Variants in VSNL1 observed in about 807,000 individuals in gnomAD.
The protein encoded by VSNL1 is visinin-like protein 1.
In VSNL1, 6 loss-of-function variants were observed where a neutral mutation model predicts 20.4. The observed-to-expected ratio is 0.29, with a 90% confidence interval of 0.16 to 0.58. The LOEUF is 0.58. VSNL1 is among the 20% of genes least tolerant of loss of function. The probability of loss-of-function intolerance (pLI) is 0.90; values close to 1 mark genes in which losing one functional copy is unlikely to be tolerated. For missense variants in VSNL1, 100 were observed against 234.5 expected (o/e 0.43, Z 3.75); for synonymous variants, 93 against 86.4 (o/e 1.08, Z -0.42).
rs144662888 is a variant in VSNL1 at position 17,563,679 on chromosome 2, G to A, written c.-6+22761G>A. 4.1e-3 allele frequency among the ~76,000 whole-genome samples: 616 copies of A among 152,060 alleles called. 6 individuals carry two copies. Among genetic ancestry groups the A allele is most frequent in the African/African-American group, 0.014 (577 of 41,488 alleles). ...CAGGAGGCGGAGGTTGCAGTGAGCC[G>A]AGATCGCACCACTGCACTCCAGCCT... On this transcript the variant is annotated intron_variant, in intron 1 of 3. Transcript: ENST00000295156.
At chr2:17,613,191 G>T (rs1461908301) in intron 2 of VSNL1, among the ~76,000 whole-genome samples, 1 of 152,118 alleles carries the variant, frequency 6.6e-6, no homozygotes, top group Non-Finnish European at 1.5e-5. Context: ...GCCAATTTCA[G>T]TGGAACAAGA....
intron 1 of VSNL1, among the ~76,000 whole-genome samples, chr2:17,551,411 C>T (rs1281290630): frequency 6.6e-6 from 1 of 152,066 alleles, no homozygotes; most frequent in Non-Finnish European, 1.5e-5. Flanking sequence ...TTTCTGGTAC[C>T]TACAAGTGAC....
At chr2:17,558,946 C>T (rs1663748784) in intron 1 of VSNL1, among the ~76,000 whole-genome samples, 1 of 152,090 alleles carries the variant, frequency 6.6e-6, no homozygotes. Flanking sequence ...ATTTCTCACT[C>T]ATATAAAGAA....
Position 17,547,408 on chromosome 2 carries a change from G to A in VSNL1, c.-6+6490G>A, listed in dbSNP as rs190309362. Among the ~76,000 whole-genome samples, 39 of 152,090 alleles carry A rather than the reference G, an allele frequency of 2.6e-4. No homozygotes were observed. In the East Asian group the frequency reaches 6.0e-3, roughly 23 times the overall value. On this transcript the variant is annotated intron_variant, in intron 1 of 3. Coordinates refer to ENST00000295156, the MANE Select transcript of VSNL1 (RefSeq NM_003385.5). ...TGGTCACTGAGTTGAAGCAATCTCC[G>A]TTCATTGCACAACTTCTAAATAAGG...
intron 2 of VSNL1, among the ~76,000 whole-genome samples, chr2:17,612,931 C>T (rs925551028): frequency 8.5e-5 from 13 of 152,184 alleles, no homozygotes; most frequent in African/African-American, 3.1e-4. Flanking sequence ...AGATACCCAA[C>T]CTTGGGTGAA....
chr2:17,639,072 A>G (rs1665823625), intron 2 of VSNL1, among the ~76,000 whole-genome samples: 1 of 152,148 alleles, frequency 6.6e-6, no homozygotes, highest in African/African-American at 2.4e-5. Flanking sequence ...GCAGGGATCT[A>G]GTCTTTCTAT....
At chr2:17,626,432 C>T (rs543886176) in intron 2 of VSNL1, among the ~76,000 whole-genome samples, 1 of 152,310 alleles carries the variant, frequency 6.6e-6, no homozygotes, top group South Asian at 2.1e-4. Context: ...GTGCCCAGAG[C>T]CTCGGTGCAC....
intron 2 of VSNL1, among the ~76,000 whole-genome samples, chr2:17,612,196 G>A (rs1425892829): frequency 6.6e-6 from 1 of 152,146 alleles, no homozygotes; most frequent in Non-Finnish European, 1.5e-5. Context: ...TCTCTTTGCC[G>A]CATGGTCCTT....
At chr2:17,641,519 C>G (rs1665882384) in intron 2 of VSNL1, among the ~76,000 whole-genome samples, 1 of 152,156 alleles carries the variant, frequency 6.6e-6, no homozygotes, top group African/African-American at 2.4e-5. Flanking sequence ...TCAATATTTA[C>G]CAGGAAGAGA....
chr2:17,627,142 G>A (rs142222403), intron 2 of VSNL1, among the ~76,000 whole-genome samples: 16 of 152,288 alleles, frequency 1.1e-4, no homozygotes, highest in African/African-American at 3.1e-4. Context: ...ATCACAGCCC[G>A]TGGCTGCCTC....
chr2:17,647,274 C>T (rs1666018771), intron 2 of VSNL1, among the ~76,000 whole-genome samples: 1 of 152,140 alleles, frequency 6.6e-6, no homozygotes, highest in Non-Finnish European at 1.5e-5. Flanking sequence ...TGCCAGAAAC[C>T]TACACGAATG....
rs150047138 is a variant in VSNL1 at position 17,560,975 on chromosome 2, T to C, written c.-6+20057T>C. Among the ~76,000 whole-genome samples the C allele has an allele frequency of 1.3e-3, 205 of 152,314 alleles. 2 individuals carry two copies. Among genetic ancestry groups the C allele is most frequent in the African/African-American group, 4.7e-3 (194 of 41,570 alleles). The stretch of plus-strand genomic sequence containing the variant: ...CATGGGAGAACAAATCTGTTTTCAA[T>C]AGATTTCTTAAGTTGCTTCTTTGGT... On this transcript the variant is annotated intron_variant, in intron 1 of 3. Coordinates refer to ENST00000295156, the MANE Select transcript of VSNL1 (RefSeq NM_003385.5).
intron 1 of VSNL1, among the ~76,000 whole-genome samples, chr2:17,552,295 T>C (rs1028473174): frequency 1.3e-5 from 2 of 152,072 alleles, no homozygotes; most frequent in Non-Finnish European, 2.9e-5. Context: ...TAGAGGTAAG[T>C]GTCTGCAAGG....
chr2:17,541,592 A>T (rs963216133), intron 1 of VSNL1: 3 of 152,196 alleles, frequency 2.0e-5, no homozygotes, highest in Admixed American at 1.3e-4. Context: ...TCGGTCGCTG[A>T]ATGGGGACTG....
At chr2:17,592,045 A>C (rs778683123) in intron 1 of VSNL1, 25 bp from the exon 2 acceptor site, 2 of 1,613,212 alleles carry the variant, frequency 1.2e-6, no homozygotes, top group Non-Finnish European at 1.7e-6. Context: ...CACAGCGCTA[A>C]TTGAATTAAT....
At chr2:17,642,223 G>A (rs1313383833) in intron 2 of VSNL1, among the ~76,000 whole-genome samples, 3 of 151,736 alleles carry the variant, frequency 2.0e-5, no homozygotes, top group South Asian at 2.1e-4. Flanking sequence ...AGCCTTATTC[G>A]AGAGCAGTAA....
intron 1 of VSNL1, among the ~76,000 whole-genome samples, chr2:17,549,467 A>G (rs1663477102): frequency 6.6e-6 from 1 of 152,230 alleles, no homozygotes; most frequent in African/African-American, 2.4e-5. Flanking sequence ...AGTTTTAAGC[A>G]AAATATTTAA....
chr2:17,617,854 C>A (rs1490453950), intron 2 of VSNL1, among the ~76,000 whole-genome samples: 1 of 152,016 alleles, frequency 6.6e-6, no homozygotes, highest in Non-Finnish European at 1.5e-5. Context: ...TTTTGAGATG[C>A]CTTCACCTGC....
At chr2:17,578,048 G>T (rs935146697) in intron 1 of VSNL1, among the ~76,000 whole-genome samples, 1 of 152,106 alleles carries the variant, frequency 6.6e-6, no homozygotes, top group African/African-American at 2.4e-5. Flanking sequence ...GTGAGCACTT[G>T]ATCATATAAG....
Sources: allele counts gnomAD v4.1 joint callset (sites outside exome capture counted in the v4.1 genomes callset), GRCh38; gene constraint gnomAD v4.1.1; transcripts MANE v1.5; gene names NCBI Gene and HGNC (gene_info 2026-07-23, HGNC 2026-07-21).